Variants in CYB5R4 observed in about 807,000 individuals in gnomAD.
CYB5R4 encodes the protein cytochrome b5 reductase 4.
A neutral mutation model predicts 70.2 loss-of-function variants in CYB5R4; 55 were observed. The ratio of observed to expected loss-of-function variants is 0.78; its 90% CI spans 0.63 to 0.98. The LOEUF is 0.98. Among genes scored for constraint, CYB5R4 ranks in the 50% least tolerant of loss-of-function variants. The probability of loss-of-function intolerance (pLI) is 0.00; values close to 1 mark genes in which losing one functional copy is unlikely to be tolerated. For synonymous variants in CYB5R4, 197 were observed against 199.5 expected (o/e 0.99, Z 0.11); for missense variants, 562 against 612.6 (o/e 0.92, Z 0.87).
intron 14 of CYB5R4, among the ~76,000 whole-genome samples, chr6:83,949,208 A>T (rs1033266073): frequency 5.9e-5 from 9 of 151,558 alleles, no homozygotes; most frequent in African/African-American, 1.7e-4. Flanking sequence ...ATTTAGCAGG[A>T]ATTTTACCAT....
chr6:83,876,417 G>C (rs1271521708), intron 2 of CYB5R4, among the ~76,000 whole-genome samples: 1 of 151,750 alleles, frequency 6.6e-6, no homozygotes, highest in East Asian at 1.9e-4. Flanking sequence ...CAACTGCCTG[G>C]ATTCATCCAT....
chr6:83,934,933 A>T (rs2099468693), intron 11 of CYB5R4, among the ~76,000 whole-genome samples, 198 bp downstream of exon 11: 1 of 152,196 alleles, frequency 6.6e-6, no homozygotes, highest in Admixed American at 6.5e-5. Flanking sequence ...ACATTATCAT[A>T]TGGAACAAAG....
At chr6:83,903,781 A>G (rs954537911) in intron 3 of CYB5R4, among the ~76,000 whole-genome samples, 1 of 151,880 alleles carries the variant, frequency 6.6e-6, no homozygotes, top group Non-Finnish European at 1.5e-5. Context: ...GATAGGTTGT[A>G]TGTTTCCAGG....
chr6:83,948,893 T>G (rs2099471089), intron 14 of CYB5R4, among the ~76,000 whole-genome samples: 1 of 152,014 alleles, frequency 6.6e-6, no homozygotes, highest in Non-Finnish European at 1.5e-5. Flanking sequence ...AGTGGTACTC[T>G]CCAGCTTGCT....
intron 4 of CYB5R4, 92 bp from the exon 5 acceptor site, chr6:83,914,324 G>GT (rs2129138733): frequency 7.5e-7 from 1 of 1,338,386 alleles, no homozygotes; most frequent in South Asian, 1.4e-5. Context: ...CAAAAAAGAA[G>GT]GGATGTTATC....
At chr6:83,899,434 G>A (rs1196218463) in intron 3 of CYB5R4, among the ~76,000 whole-genome samples, 1 of 152,072 alleles carries the variant, frequency 6.6e-6, no homozygotes, top group African/African-American at 2.4e-5. Context: ...CTCTTTTTCT[G>A]TTGTGTCTCT....
chr6:83,860,898 T>A (rs182359381), intron 1 of CYB5R4, among the ~76,000 whole-genome samples: 2 of 152,372 alleles, frequency 1.3e-5, no homozygotes, highest in African/African-American at 4.8e-5. Context: ...AAGTGAAAGC[T>A]TTTATTGTCT....
At chr6:83,919,760 CTG>C (rs58002492) in intron 7 of CYB5R4, among the ~76,000 whole-genome samples, 42,812 of 141,680 alleles carry the variant, frequency 0.3, 6,243 homozygotes, top group East Asian at 0.46. Context: ...ATGTGTTTTT[CTG>C]TGTGTGTGTG....
chr6:83,873,271 A>G lies in CYB5R4; in HGVS notation c.229+8943A>G, dbSNP rs207467209. On this transcript the variant is annotated intron_variant, in intron 2 of 15. Transcript: ENST00000369681. ...TTTTTTTTTTTTTTGACAGGGTCTC[A>G]CTCTGTCACCCAGGCTGGAGTGCAG... is the stretch of plus-strand genomic sequence containing the variant. Among the ~76,000 whole-genome samples the G allele has an allele frequency of 2.6e-5, 3 of 114,974 alleles. No homozygotes were observed. The Admixed American group carries it at 3.7e-4, about 14-fold the overall frequency. 75.4% of individuals were successfully genotyped at this position (114,974 alleles called of 152,430 possible).
intron 12 of CYB5R4, among the ~76,000 whole-genome samples, chr6:83,936,785 G>C (rs756896656): frequency 6.6e-6 from 1 of 152,116 alleles, no homozygotes; most frequent in Non-Finnish European, 1.5e-5. Flanking sequence ...TGAAACCTCT[G>C]ATGGGTCCCC....
intron 2 of CYB5R4, among the ~76,000 whole-genome samples, chr6:83,865,161 T>C (rs1360070449): frequency 2.0e-5 from 3 of 152,210 alleles, no homozygotes; most frequent in Admixed American, 6.5e-5. Flanking sequence ...GTCTTACTGC[T>C]CTGTCCTGAG....
intron 14 of CYB5R4, among the ~76,000 whole-genome samples, chr6:83,944,416 A>C (rs2129143862): frequency 6.6e-6 from 1 of 152,330 alleles, no homozygotes; most frequent in East Asian, 1.9e-4. Flanking sequence ...GGCCTGCCTT[A>C]CAAGAGTTCC....
Position 83,884,614 on chromosome 6 carries a change from C to A in CYB5R4, c.230-8908C>A, listed in dbSNP as rs146907817. On this transcript the variant is annotated intron_variant, in intron 2 of 15. Coordinates refer to ENST00000369681, the MANE Select transcript of CYB5R4 (RefSeq NM_016230.4). ...CTCAGCAGTTGACAGGAAGTAATTA[C>A]AATAATGTGCAATTTCATTACTGAA... Among the ~76,000 whole-genome samples, 551 of 152,172 alleles carry A rather than the reference C, an allele frequency of 3.6e-3. 1 individual carries two copies. The highest frequency in any genetic ancestry group is 0.012 in the African/African-American group (513 of 41,542).
chr6:83,936,090 T>C (rs1200932862), intron 11 of CYB5R4, 134 bp from the exon 12 acceptor site: 4 of 605,586 alleles, frequency 6.6e-6, no homozygotes, highest in Admixed American at 7.0e-5. Context: ...TATAGAAAAA[T>C]AATTAGAATT....
intron 14 of CYB5R4, among the ~76,000 whole-genome samples, chr6:83,948,088 C>T (rs550749248): frequency 6.6e-6 from 1 of 152,240 alleles, no homozygotes; most frequent in Admixed American, 6.5e-5. Flanking sequence ...TATTGCAGCA[C>T]TATTCACAAT....
At chr6:83,899,465 T>C (rs1332306283) in intron 3 of CYB5R4, among the ~76,000 whole-genome samples, 1 of 152,216 alleles carries the variant, frequency 6.6e-6, no homozygotes, top group Non-Finnish European at 1.5e-5. Flanking sequence ...GATATGAGGA[T>C]GATGCTGGCC....
At chr6:83,934,451 T>C (rs1356626470) in intron 10 of CYB5R4, 144 bp from the exon 11 acceptor site, 2 of 561,872 alleles carry the variant, frequency 3.6e-6, no homozygotes, top group South Asian at 2.9e-5. Context: ...CTTAAAATAT[T>C]GATTAATTTT....
intron 3 of CYB5R4, among the ~76,000 whole-genome samples, chr6:83,905,859 C>T (rs1187271323): frequency 6.6e-6 from 1 of 152,072 alleles, no homozygotes; most frequent in Non-Finnish European, 1.5e-5. Flanking sequence ...ATGGGCTGCG[C>T]AGGCCAGTCT....
chr6:83,961,258 A>G lies in CYB5R4; in HGVS notation c.*1380A>G, dbSNP rs2099473299. ...AAAGACAGGAATCTAGCTGTCCTGG[A>G]CTGGTACTGTTCCCTGGTAGGTAAC... On this transcript the variant is annotated 3_prime_UTR_variant, in exon 16 of 16. Coordinates refer to ENST00000369681, the MANE Select transcript of CYB5R4 (RefSeq NM_016230.4). 6.6e-6 allele frequency: 1 copy of G among 152,136 alleles called. No individual in the cohort carries two copies. The highest frequency in any genetic ancestry group is 2.1e-4 in the South Asian group (1 of 4,820). 9.4% of individuals were successfully genotyped at this position (152,136 alleles called of 1,614,324 possible). A position where few individuals can be genotyped will look rare whatever the true frequency, so the allele number is the denominator to read the frequency against.
Sources: allele counts gnomAD v4.1 joint callset (sites outside exome capture counted in the v4.1 genomes callset), GRCh38; gene constraint gnomAD v4.1.1; transcripts MANE v1.5; gene names NCBI Gene and HGNC (gene_info 2026-07-23, HGNC 2026-07-21).